The following SNX2 variants were observed in gnomAD, a reference collection of about 807,000 sequenced individuals.
SNX2 encodes sorting nexin 2.
A neutral mutation model predicts 69.9 loss-of-function variants in SNX2; 25 were observed. The observed-to-expected ratio is 0.36, with a 90% CI of 0.26 to 0.50. The LOEUF is 0.50. Ranked by LOEUF, SNX2 falls within the 20% of genes least tolerant of loss-of-function variation. The pLI, the probability that SNX2 is intolerant of heterozygous loss-of-function variation, is 0.97. For synonymous variants in SNX2, 229 were observed against 200.4 expected (o/e 1.14, Z -1.20); for missense variants, 551 against 613.3 (o/e 0.90, Z 1.07).
chr5:122,810,896 T>C (rs1477221603), intron 7 of SNX2, among the ~76,000 whole-genome samples: 1 of 152,250 alleles, frequency 6.6e-6, no homozygotes, highest in Non-Finnish European at 1.5e-5. Flanking sequence ...TGGAATGGTT[T>C]CTTTTAATCT....
chr5:122,819,058 G>T (rs549275509), intron 11 of SNX2, 35 bp downstream of exon 11: 1 of 1,517,596 alleles, frequency 6.6e-7, no homozygotes, highest in South Asian at 1.2e-5. Context: ...CACTTGTGTC[G>T]TGTACTTTAA....
At chr5:122,781,652 A>G (rs976365805) in intron 1 of SNX2, among the ~76,000 whole-genome samples, 8 of 152,162 alleles carry the variant, frequency 5.3e-5, no homozygotes, top group South Asian at 2.1e-4. Flanking sequence ...CAGTTTTTCC[A>G]TATCCTTGTC....
Position 122,783,885 on chromosome 5 carries a change from C to A in SNX2, c.108+8674C>A, listed in dbSNP as rs115451277. On this transcript the variant is annotated intron_variant, in intron 1 of 14. Coordinates refer to ENST00000379516, the MANE Select transcript of SNX2 (RefSeq NM_003100.4). ...GAATTAACCCATTAACAATATTGAG[C>A]CTTCAAGCTATAAGCATAATCTCTC... Among the ~76,000 whole-genome samples the A allele has an allele frequency of 6.6e-3, 985 of 150,096 alleles. 13 individuals are homozygous for A. The highest frequency in any genetic ancestry group is 0.023 in the African/African-American group (940 of 40,548).
At position 122,806,107 on chromosome 5, in the gene SNX2, T is replaced by TGC. The variant is rs1459228638; in HGVS notation, c.644-2169_644-2168insCG. On this transcript the variant is annotated intron_variant, in intron 6 of 14. Coordinates refer to ENST00000379516, the MANE Select transcript of SNX2 (RefSeq NM_003100.4). ...TTTAAAACTTTTATGTGTGTGTGTG[T>TGC]GTGTGCGTGTGTGTATATATATACA... is the stretch of plus-strand genomic sequence containing the variant. 1.9e-4 allele frequency among the ~76,000 whole-genome samples: 15 copies of TGC among 79,556 alleles called. 1 individual carries two copies. Among genetic ancestry groups the TGC allele is most frequent in the African/African-American group, 5.6e-4 (14 of 24,906 alleles). 52.2% of individuals were successfully genotyped at this position (79,556 alleles called of 152,430 possible). A position where few individuals can be genotyped will look rare whatever the true frequency, so the allele number is the denominator to read the frequency against.
chr5:122,803,398 A>T, intron 5 of SNX2, 74 bp from the exon 6 acceptor site: 3 of 1,432,302 alleles, frequency 2.1e-6, no homozygotes, highest in Non-Finnish European at 2.8e-6. Context: ...ATGTGTTCAC[A>T]ATTATGTATA....
In SNX2 at chr5:122,794,630, G is replaced by A. The variant is rs187862808; in HGVS notation, c.109-636G>A. ...TTTTGAAAATCAAGGACATGATGTC[G>A]TTTTGGTTCTATTGTATATGACTGT... On this transcript the variant is annotated intron_variant, in intron 1 of 14. Coordinates refer to ENST00000379516, the MANE Select transcript of SNX2 (RefSeq NM_003100.4). Among the ~76,000 whole-genome samples the A allele has an allele frequency of 3.7e-3, 564 of 152,258 alleles. 4 individuals are homozygous for A. Among genetic ancestry groups the A allele is most frequent in the African/African-American group, 0.012 (517 of 41,546 alleles).
At chr5:122,782,308 G>A (rs1219356182) in intron 1 of SNX2, among the ~76,000 whole-genome samples, 4 of 151,318 alleles carry the variant, frequency 2.6e-5, no homozygotes, top group East Asian at 1.9e-4. Context: ...GTGTGATCTC[G>A]GTTCACTGCA....
chr5:122,780,002 T>A (rs1752936512), intron 1 of SNX2, among the ~76,000 whole-genome samples: 1 of 152,210 alleles, frequency 6.6e-6, no homozygotes, highest in Non-Finnish European at 1.5e-5. Flanking sequence ...AAAAGAGAAC[T>A]TATGTAATAA....
chr5:122,779,646 G>A (rs1752927934), intron 1 of SNX2, among the ~76,000 whole-genome samples: 2 of 152,168 alleles, frequency 1.3e-5, no homozygotes. Flanking sequence ...TGGAATTGCT[G>A]GGTTATGTGG....
intron 6 of SNX2, 126 bp from the exon 7 acceptor site, chr5:122,808,151 T>C: frequency 1.8e-6 from 1 of 551,074 alleles, no homozygotes; most frequent in Non-Finnish European, 3.2e-6. Context: ...TTAGATAAGA[T>C]ACCAGTTACA....
intron 1 of SNX2, among the ~76,000 whole-genome samples, chr5:122,779,361 C>G (rs1752919387): frequency 6.6e-6 from 1 of 152,176 alleles, no homozygotes; most frequent in African/African-American, 2.4e-5. Flanking sequence ...AACCACTAAT[C>G]TACTTTCTGT....
chr5:122,817,390 ACTT>A lies in SNX2; in HGVS notation c.1006+18_1006+20del. On this transcript the variant is annotated intron_variant, in intron 10 of 14. Coordinates refer to ENST00000379516, the MANE Select transcript of SNX2 (RefSeq NM_003100.4). ...ATAGAAAAGGTTTGTTTGCCTTACT[ACTT>A]ACGTAGTTAGCACCATAAAACTAAT... 1 of 1,547,446 alleles carries A rather than the reference ACTT, an allele frequency of 6.5e-7. No homozygotes were observed. Among genetic ancestry groups the A allele is most frequent in the Non-Finnish European group, 8.9e-7 (1 of 1,121,572 alleles).
intron 7 of SNX2, among the ~76,000 whole-genome samples, chr5:122,810,211 G>C (rs1001493028): frequency 3.3e-5 from 5 of 150,862 alleles, no homozygotes; most frequent in East Asian, 1.9e-4. Flanking sequence ...CAGCATGCTC[G>C]TTAAGAGTCA....
At chr5:122,789,059 G>C (rs927569063) in intron 1 of SNX2, among the ~76,000 whole-genome samples, 1 of 151,980 alleles carries the variant, frequency 6.6e-6, no homozygotes, top group South Asian at 2.1e-4. Context: ...GAGACTATTG[G>C]GATTTTTTGT....
At chr5:122,803,869 T>TG (rs1753569635) in intron 6 of SNX2, 2 of 277,558 alleles carry the variant, frequency 7.2e-6, no homozygotes, top group Admixed American at 1.1e-4. Flanking sequence ...CCGTGTGTGG[T>TG]GGCTCACACC....
chr5:122,798,998 A>T (rs1418103635), intron 2 of SNX2, among the ~76,000 whole-genome samples: 1 of 152,178 alleles, frequency 6.6e-6, no homozygotes, highest in African/African-American at 2.4e-5. Flanking sequence ...CTCTGAGGGC[A>T]GGTATGATAT....
At chr5:122,802,044 A>G (rs1282285932) in intron 4 of SNX2, 37 bp from the exon 5 acceptor site, 3 of 1,587,260 alleles carry the variant, frequency 1.9e-6, no homozygotes, top group Non-Finnish European at 2.6e-6. Flanking sequence ...ATTTTTATGC[A>G]TGTGATTTTA....
intron 1 of SNX2, among the ~76,000 whole-genome samples, chr5:122,786,226 T>C (rs1753083721): frequency 6.6e-6 from 1 of 152,178 alleles, no homozygotes; most frequent in Non-Finnish European, 1.5e-5. Context: ...ATTGTTTTAC[T>C]TTTAACTAAT....
At position 122,775,176 on chromosome 5, in the gene SNX2, G is replaced by A; in HGVS notation, c.73G>A (p.Glu25Lys). The A allele has an allele frequency of 6.3e-7, 1 of 1,594,428 alleles. No homozygotes were observed. Among genetic ancestry groups the A allele is most frequent in the Non-Finnish European group, 8.5e-7 (1 of 1,172,212 alleles). Reference protein sequence around the residue: ...PTDFEDLEDGEDLFTSTVSTL... With the variant: ...PTDFEDLEDGKDLFTSTVSTL... The stretch of plus-strand genomic sequence containing the variant: ...CGACTTTGAGGATCTGGAGGACGGA[G>A]AGGACCTGTTCACCAGCACTGTCTC... The change falls in exon 1 of 15, where the codon GAG (glutamate) becomes AAG (lysine). Residue 25 changes from glutamate (E) to lysine (K), a missense_variant. By Grantham distance (56) the Glu-to-Lys change is moderately conservative. Coordinates refer to ENST00000379516, the MANE Select transcript of SNX2 (RefSeq NM_003100.4).
Sources: allele counts gnomAD v4.1 joint callset (sites outside exome capture counted in the v4.1 genomes callset), GRCh38; gene constraint gnomAD v4.1.1; transcripts MANE v1.5; gene names NCBI Gene and HGNC (gene_info 2026-07-23, HGNC 2026-07-21).